Variants in SNTB1 observed in about 807,000 individuals in gnomAD.
The protein encoded by SNTB1 is beta-1-syntrophin.
A neutral mutation model predicts 48.9 loss-of-function variants in SNTB1; 36 were observed. The observed-to-expected ratio is 0.74, with a 90% confidence interval of 0.56 to 0.97. The LOEUF is 0.97. SNTB1 is among the 50% of genes least tolerant of loss of function. The pLI is 0.00. For synonymous variants in SNTB1, 299 were observed against 294.6 expected (o/e 1.01, Z -0.15); for missense variants, 786 against 703.4 (o/e 1.12, Z -1.33).
intron 4 of SNTB1, chr8:120,570,693 A>C (rs1449351513): frequency 6.5e-6 from 1 of 152,746 alleles, no homozygotes; most frequent in Non-Finnish European, 1.5e-5. Context: ...CTGGGTACTT[A>C]GTGAGTATCT....
intron 3 of SNTB1, among the ~76,000 whole-genome samples, chr8:120,588,086 G>A (rs112959196): frequency 6.6e-6 from 1 of 152,152 alleles, no homozygotes; most frequent in Non-Finnish European, 1.5e-5. Context: ...AAAAAAAAAT[G>A]TATGCTTCAA....
intron 1 of SNTB1, among the ~76,000 whole-genome samples, chr8:120,722,040 C>T (rs1420855261): frequency 1.3e-5 from 2 of 152,160 alleles, no homozygotes; most frequent in Non-Finnish European, 2.9e-5. Flanking sequence ...TTTCCAGCTT[C>T]ATCCATGTCC....
chr8:120,645,960 C>A (rs1817289812), intron 2 of SNTB1, among the ~76,000 whole-genome samples: 1 of 145,992 alleles, frequency 6.8e-6, no homozygotes, highest in African/African-American at 2.5e-5. Flanking sequence ...ATTTGGCTCT[C>A]TGTTTGTCTG....
chr8:120,541,329 C>G (rs1815284236), intron 6 of SNTB1: 1 of 152,708 alleles, frequency 6.5e-6, no homozygotes, highest in African/African-American at 2.4e-5. Flanking sequence ...TGGAGTTGAT[C>G]AGTTTCTTTT....
chr8:120,735,738 A>G (rs569663375), intron 1 of SNTB1, among the ~76,000 whole-genome samples: 1 of 152,290 alleles, frequency 6.6e-6, no homozygotes, highest in South Asian at 2.1e-4. Context: ...CAAGCCATAC[A>G]GACTGTGGTA....
intron 3 of SNTB1, 133 bp from the exon 4 acceptor site, chr8:120,575,358 A>T: frequency 2.1e-6 from 2 of 970,922 alleles, no homozygotes; most frequent in South Asian, 3.1e-5. Flanking sequence ...ATCAAAATGG[A>T]AAGAACCTTG....
At chr8:120,633,253 G>A (rs1413918937) in intron 2 of SNTB1, among the ~76,000 whole-genome samples, 2 of 152,146 alleles carry the variant, frequency 1.3e-5, no homozygotes, top group Non-Finnish European at 2.9e-5. Flanking sequence ...GTGGTGTAAA[G>A]GCATGAATTG....
chr8:120,687,470 TTGGCA>T (rs1370983932), intron 2 of SNTB1, among the ~76,000 whole-genome samples: 6 of 152,130 alleles, frequency 3.9e-5, no homozygotes, highest in Non-Finnish European at 8.8e-5. Context: ...AGTGGGAGTG[TTGGCA>T]AAGCAGAAAT....
chr8:120,762,631 A>C (rs1336550530), intron 1 of SNTB1, among the ~76,000 whole-genome samples: 3 of 152,160 alleles, frequency 2.0e-5, no homozygotes, highest in African/African-American at 7.2e-5. Flanking sequence ...TCTAGATTAC[A>C]AATGCATGGT....
chr8:120,788,351 C>T (rs1367291415), intron 1 of SNTB1, among the ~76,000 whole-genome samples: 2 of 152,086 alleles, frequency 1.3e-5, no homozygotes, highest in African/African-American at 2.4e-5. Context: ...TAACAATTAA[C>T]ATGATGACTG....
At chr8:120,712,414 CAA>C (rs370583854) in intron 1 of SNTB1, among the ~76,000 whole-genome samples, 1 of 81,360 alleles carries the variant, frequency 1.2e-5, no homozygotes. Flanking sequence ...GACTCCATCT[CAA>C]AAAAAAAAAA....
intron 2 of SNTB1, chr8:120,635,833 T>G (rs1587050380): frequency 3.1e-6 from 1 of 321,464 alleles, no homozygotes. Context: ...ACTTCCTTAT[T>G]CTTTTCATCT....
chr8:120,675,160 C>A (rs2129798114), intron 2 of SNTB1, among the ~76,000 whole-genome samples: 1 of 152,302 alleles, frequency 6.6e-6, no homozygotes, highest in African/African-American at 2.4e-5. Flanking sequence ...GGGTTACAAT[C>A]ATTCACTTGG....
chr8:120,708,938 T>C (rs1202671739), intron 1 of SNTB1, among the ~76,000 whole-genome samples: 1 of 152,162 alleles, frequency 6.6e-6, no homozygotes, highest in East Asian at 1.9e-4. Context: ...ACCCTCCCAT[T>C]ACCCCTCTAT....
Position 120,538,823 on chromosome 8 carries a change from G to A in SNTB1, c.*54C>T, listed in dbSNP as rs1290176162. On this transcript the variant is annotated 3_prime_UTR_variant, in exon 7 of 7. Transcript: ENST00000517992. ...CACTACAGATGGTGTCTGACATCAC[G>A]TTCTCTGGTGGCATTGCAGCCCTTC... 8 of 1,394,690 alleles carry A rather than the reference G, an allele frequency of 5.7e-6. No homozygotes were observed. The highest frequency in any genetic ancestry group is 2.3e-5 in the East Asian group (1 of 43,766). 86.4% of individuals were successfully genotyped at this position (1,394,690 alleles called of 1,614,324 possible). A position where few individuals can be genotyped will look rare whatever the true frequency, so the allele number is the denominator to read the frequency against.
rs745813072 is a variant in SNTB1 at position 120,565,709 on chromosome 8, C to T, written c.1136+9377G>A. ...GTCATCACAGCTTGTGGCCAAACAG[C>T]GCTTCTGAAGAACCACGGGGTAAGA... On this transcript the variant is annotated intron_variant, in intron 4 of 6. Transcript: ENST00000517992. Among the ~76,000 whole-genome samples, 6 of 152,318 alleles carry T rather than the reference C, an allele frequency of 3.9e-5. No individual in the cohort carries two copies. The East Asian group carries it at 9.6e-4, about 24-fold the overall frequency.
intron 3 of SNTB1, among the ~76,000 whole-genome samples, chr8:120,593,181 C>T (rs1816271119): frequency 1.3e-5 from 2 of 152,092 alleles, no homozygotes; most frequent in Admixed American, 1.3e-4. Flanking sequence ...ACTATGAGGT[C>T]AGTAAAGTTT....
intron 3 of SNTB1, among the ~76,000 whole-genome samples, chr8:120,599,712 G>A (rs746506220): frequency 8.5e-5 from 13 of 152,306 alleles, no homozygotes; most frequent in South Asian, 2.1e-4. Context: ...AAGAGATGTC[G>A]TAGTTGTAAA....
intron 3 of SNTB1, among the ~76,000 whole-genome samples, chr8:120,606,302 T>C (rs1816517373): frequency 1.4e-5 from 2 of 139,366 alleles, no homozygotes. Flanking sequence ...TGGTAAAGTA[T>C]ATATAATACT....
Sources: allele counts gnomAD v4.1 joint callset (sites outside exome capture counted in the v4.1 genomes callset), GRCh38; gene constraint gnomAD v4.1.1; transcripts MANE v1.5; gene names NCBI Gene and HGNC (gene_info 2026-07-23, HGNC 2026-07-21).